Variants in SLC10A7 observed in about 807,000 individuals in gnomAD.
SLC10A7 encodes the protein solute carrier family 10 member 7, also known as sodium/bile acid cotransporter 7.
Under a neutral mutation model 43.2 loss-of-function variants are expected in SLC10A7, and 29 were observed. That is an observed-to-expected ratio of 0.67 (90% CI 0.50 to 0.92). The LOEUF (loss-of-function observed/expected upper bound fraction) is 0.92, where lower values mean the gene tolerates loss of function less well. SLC10A7 is among the 40% of genes least tolerant of loss of function. SLC10A7 has a pLI of 0.00. For synonymous variants in SLC10A7, 152 were observed against 144.8 expected, an observed-to-expected ratio of 1.05 and a Z score of -0.35; for missense variants, 295 against 403.2, an observed-to-expected ratio of 0.73 and a Z score of 2.30.
At chr4:146,261,965 G>A (rs537016951) in intron 10 of SLC10A7, among the ~76,000 whole-genome samples, 7 of 152,286 alleles carry the variant, frequency 4.6e-5, no homozygotes, top group Non-Finnish European at 8.8e-5. Context: ...ATGCATGTCT[G>A]AAAGATGCTA....
intron 5 of SLC10A7, among the ~76,000 whole-genome samples, chr4:146,357,439 C>T (rs1735737458): frequency 1.3e-5 from 2 of 152,146 alleles, no homozygotes; most frequent in Non-Finnish European, 2.9e-5. Flanking sequence ...GCACTTAATA[C>T]TACAGAAAGC....
At chr4:146,469,532 T>TA (rs1331214643) in intron 4 of SLC10A7, among the ~76,000 whole-genome samples, 1 of 152,192 alleles carries the variant, frequency 6.6e-6, no homozygotes, top group African/African-American at 2.4e-5. Flanking sequence ...CTACTGTGTA[T>TA]AAAAAACAGT....
chr4:146,388,893 G>A (rs1560861152), intron 5 of SLC10A7, among the ~76,000 whole-genome samples: 1 of 151,960 alleles, frequency 6.6e-6, no homozygotes, highest in Non-Finnish European at 1.5e-5. Context: ...ATAGACTAAT[G>A]GGACTTAATT....
intron 9 of SLC10A7, among the ~76,000 whole-genome samples, chr4:146,291,443 GTGCCTAA>G (rs1433591860): frequency 6.6e-6 from 1 of 152,140 alleles, no homozygotes; most frequent in African/African-American, 2.4e-5. Flanking sequence ...TGAGAGCCAA[GTGCCTAA>G]TGTGAGAGCC....
intron 9 of SLC10A7, 59 bp from the exon 10 acceptor site, chr4:146,283,324 A>G: frequency 7.4e-7 from 1 of 1,352,324 alleles, no homozygotes; most frequent in Non-Finnish European, 1.1e-6. Flanking sequence ...TAACACATTC[A>G]AAATCAAATG....
intron 5 of SLC10A7, among the ~76,000 whole-genome samples, chr4:146,413,460 A>G (rs898212347): frequency 1.3e-4 from 20 of 152,154 alleles, no homozygotes; most frequent in African/African-American, 4.8e-4. Flanking sequence ...ACATAGACTC[A>G]TATTTAATCA....
At chr4:146,479,040 C>T (rs1220626031) in intron 4 of SLC10A7, among the ~76,000 whole-genome samples, 1 of 151,968 alleles carries the variant, frequency 6.6e-6, no homozygotes, top group African/African-American at 2.4e-5. Flanking sequence ...AAGTGGAAAA[C>T]AGCTTAATTT....
chr4:146,290,063 G>T (rs866700180), intron 9 of SLC10A7, among the ~76,000 whole-genome samples: 2 of 148,706 alleles, frequency 1.3e-5, no homozygotes, highest in African/African-American at 4.9e-5. Flanking sequence ...GGTGGCTCAC[G>T]CCTGTAATCC....
intron 5 of SLC10A7, among the ~76,000 whole-genome samples, chr4:146,358,106 T>C (rs1325355698): frequency 6.6e-6 from 1 of 150,978 alleles, no homozygotes. Context: ...TTTGAAGATA[T>C]GCCACACTCA....
At chr4:146,479,430 G>T (rs950442816) in intron 4 of SLC10A7, among the ~76,000 whole-genome samples, 2 of 151,986 alleles carry the variant, frequency 1.3e-5, no homozygotes, top group Non-Finnish European at 2.9e-5. Flanking sequence ...ATATAAAAAA[G>T]ATAATCTTAG....
At chr4:146,348,748 A>C (rs1335834184) in intron 5 of SLC10A7, among the ~76,000 whole-genome samples, 2 of 152,180 alleles carry the variant, frequency 1.3e-5, no homozygotes, top group African/African-American at 4.8e-5. Flanking sequence ...TAGAATTTTT[A>C]ATGCCTGATT....
intron 10 of SLC10A7, among the ~76,000 whole-genome samples, chr4:146,270,740 G>C (rs1728841762): frequency 6.6e-6 from 1 of 152,164 alleles, no homozygotes; most frequent in Admixed American, 6.5e-5. Flanking sequence ...ACTGGGGTGA[G>C]TTATTTGACC....
chr4:146,358,019 T>A (rs1337402798), intron 5 of SLC10A7, among the ~76,000 whole-genome samples: 1 of 151,634 alleles, frequency 6.6e-6, no homozygotes, highest in Non-Finnish European at 1.5e-5. Flanking sequence ...TAATATTGTA[T>A]TAGGATGCTC....
At chr4:146,282,232 C>T (rs1729598953) in intron 10 of SLC10A7, among the ~76,000 whole-genome samples, 1 of 152,068 alleles carries the variant, frequency 6.6e-6, no homozygotes, top group African/African-American at 2.4e-5. Flanking sequence ...AACAACTGCT[C>T]CTAAGGGTTT....
chr4:146,318,266 A>G (rs1371106238), intron 6 of SLC10A7, among the ~76,000 whole-genome samples: 1 of 151,922 alleles, frequency 6.6e-6, no homozygotes, highest in Admixed American at 6.6e-5. Flanking sequence ...TCTTTCCTCA[A>G]CCCATCCAAT....
chr4:146,506,315 T>A (rs1289880242), intron 3 of SLC10A7, among the ~76,000 whole-genome samples: 1 of 152,022 alleles, frequency 6.6e-6, no homozygotes, highest in Admixed American at 6.6e-5. Flanking sequence ...ATGAGTAAAA[T>A]CCTACAGGAA....
chr4:146,511,969 C>CTT (rs765683134), intron 2 of SLC10A7, among the ~76,000 whole-genome samples: 2,147 of 98,764 alleles, frequency 0.022, 162 homozygotes, highest in East Asian at 0.057. Context: ...TGCATATACT[C>CTT]TTTTTTTTTT....
intron 9 of SLC10A7, among the ~76,000 whole-genome samples, chr4:146,284,810 AATG>A (rs1348956125): frequency 6.6e-6 from 1 of 152,150 alleles, no homozygotes; most frequent in Admixed American, 6.6e-5. Context: ...CAGTAGGCCT[AATG>A]GGGAAGGAGT....
chr4:146,514,587 G>C (rs112490041), intron 2 of SLC10A7: 1 of 152,210 alleles, frequency 6.6e-6, no homozygotes, highest in East Asian at 1.9e-4. Context: ...TTAAATCAAT[G>C]TATGAGTCAT....
Sources: allele counts gnomAD v4.1 joint callset (sites outside exome capture counted in the v4.1 genomes callset), GRCh38; gene constraint gnomAD v4.1.1; transcripts MANE v1.5; gene names NCBI Gene and HGNC (gene_info 2026-07-23, HGNC 2026-07-21).